COL19A1: variants seen among roughly 807,000 people sequenced by gnomAD.
COL19A1 encodes collagen type XIX alpha 1 chain.
In COL19A1, 159 loss-of-function variants were observed where a neutral mutation model predicts 190.2. The ratio of observed to expected loss-of-function variants is 0.84; its 90% CI spans 0.73 to 0.95. COL19A1 has a LOEUF of 0.95. Ranked by LOEUF, COL19A1 falls within the 40% of genes least tolerant of loss-of-function variation. The pLI is 0.00. For missense variants in COL19A1, 1,418 were observed against 1,431.9 expected (o/e 0.99, Z 0.16); for synonymous variants, 509 against 458.9 (o/e 1.11, Z -1.39).
intron 31 of COL19A1, among the ~76,000 whole-genome samples, chr6:70,155,803 A>G (rs908993387): frequency 3.9e-5 from 6 of 152,224 alleles, no homozygotes; most frequent in South Asian, 4.1e-4. Flanking sequence ...TCTGCTAAAC[A>G]ATTGAGCCTC....
Position 70,063,668 on chromosome 6 carries a change from C to A in COL19A1, c.1171-4755C>A, listed in dbSNP as rs139560121. ...GAAGGAGATAGAGACACAAAAAACCCTTCAAAAAATTAATGAATCCAGGAG... is the reference window on the plus strand; with the variant it reads ...GAAGGAGATAGAGACACAAAAAACCATTCAAAAAATTAATGAATCCAGGAG... On this transcript the variant is annotated intron_variant, in intron 14 of 50. Coordinates refer to ENST00000620364, the MANE Select transcript of COL19A1 (RefSeq NM_001858.6). 2.7e-3 allele frequency among the ~76,000 whole-genome samples: 405 copies of A among 152,148 alleles called. 8 individuals are homozygous for A. Among genetic ancestry groups the A allele is most frequent in the African/African-American group, 9.3e-3 (386 of 41,494 alleles).
At chr6:69,938,616 A>G (rs1231023087) in intron 9 of COL19A1, among the ~76,000 whole-genome samples, 1 of 152,118 alleles carries the variant, frequency 6.6e-6, no homozygotes, top group Non-Finnish European at 1.5e-5. Context: ...TTTTACATCT[A>G]GAAAGAGATC....
chr6:70,062,270 T>A (rs1780883589), intron 14 of COL19A1, among the ~76,000 whole-genome samples: 1 of 152,190 alleles, frequency 6.6e-6, no homozygotes, highest in Admixed American at 6.6e-5. Flanking sequence ...CAATAATTTA[T>A]ACTGAACTCT....
intron 47 of COL19A1, among the ~76,000 whole-genome samples, chr6:70,189,267 T>C (rs1257514032): frequency 1.3e-5 from 2 of 152,228 alleles, no homozygotes; most frequent in Non-Finnish European, 2.9e-5. Flanking sequence ...AGAGGAATTT[T>C]CAGTGAAGAG....
Position 70,141,904 on chromosome 6 carries a change from G to A in COL19A1, c.1494G>A (p.Gly498=), listed in dbSNP as rs1786276145. The part of the protein sequence containing the change: ...KGEKGDRGEP[G]VIGSQGVKGE... ...TATTTTATTTACAGGGAGAACCTGG[G>A]GTAATAGGATCACAGGGAGTAAAGG... is the stretch of plus-strand genomic sequence containing the variant. The change falls in exon 21 of 51, where the codon GGG becomes GGA. Residue 498 remains glycine, a synonymous_variant. Coordinates refer to ENST00000620364, the MANE Select transcript of COL19A1 (RefSeq NM_001858.6). 6.3e-7 allele frequency: 1 copy of A among 1,595,090 alleles called. No homozygotes were observed. The highest frequency in any genetic ancestry group is 8.6e-7 in the Non-Finnish European group (1 of 1,163,238).
intron 9 of COL19A1, among the ~76,000 whole-genome samples, chr6:69,951,779 T>C (rs2150035618): frequency 6.6e-6 from 1 of 152,030 alleles, no homozygotes. Context: ...ATTGTCACTA[T>C]TTCACAGATT....
Position 70,149,735 on chromosome 6 carries a change from T to G in COL19A1, c.1925T>G (p.Ile642Ser). The change falls in exon 28 of 51, where the codon ATT becomes AGT. Residue 642 changes from isoleucine (I) to serine (S), a missense_variant. By Grantham distance (142) the Ile-to-Ser change is moderately radical. Coordinates refer to ENST00000620364, the MANE Select transcript of COL19A1 (RefSeq NM_001858.6). ...GAQGPAGEPGIQGPRGLPGLP... is the reference protein window; with the variant it reads ...GAQGPAGEPGSQGPRGLPGLP... ...CAAGGACCAGCTGGAGAGCCAGGTA[T>G]TCAGGTAAGCTATTTAACTAATTTT... The G allele has an allele frequency of 6.2e-7, 1 of 1,613,650 alleles. No individual in the cohort carries two copies. Among genetic ancestry groups the G allele is most frequent in the South Asian group, 1.1e-5 (1 of 91,066 alleles).
chr6:69,944,073 C>CACTTTTGCTTGTTTCA (rs1773637011), intron 9 of COL19A1, among the ~76,000 whole-genome samples: 1 of 152,092 alleles, frequency 6.6e-6, no homozygotes. Flanking sequence ...TGCTCCAAGT[C>CACTTTTGCTTGTTTCA]CTTTGTACCA....
At chr6:69,995,793 G>A (rs900307336) in intron 11 of COL19A1, among the ~76,000 whole-genome samples, 2 of 152,132 alleles carry the variant, frequency 1.3e-5, no homozygotes, top group Non-Finnish European at 2.9e-5. Context: ...ACCTACATTT[G>A]TAGTTACTAA....
chr6:69,939,595 C>A (rs1773324488), intron 9 of COL19A1, among the ~76,000 whole-genome samples: 1 of 152,082 alleles, frequency 6.6e-6, no homozygotes, highest in Admixed American at 6.6e-5. Flanking sequence ...TATCTGTGTT[C>A]TTTGATCAGG....
At chr6:69,954,340 C>G (rs1483336095) in intron 9 of COL19A1, among the ~76,000 whole-genome samples, 1 of 151,928 alleles carries the variant, frequency 6.6e-6, no homozygotes, top group Non-Finnish European at 1.5e-5. Flanking sequence ...CAGCAACTGA[C>G]CCAGCGTATG....
At chr6:70,028,782 AT>A (rs1009469201) in intron 12 of COL19A1, among the ~76,000 whole-genome samples, 6 of 152,090 alleles carry the variant, frequency 3.9e-5, no homozygotes, top group African/African-American at 7.2e-5. Flanking sequence ...TACCTCATGG[AT>A]TTTTTTGTGA....
At chr6:70,062,375 A>T (rs1780890338) in intron 14 of COL19A1, among the ~76,000 whole-genome samples, 1 of 152,140 alleles carries the variant, frequency 6.6e-6, no homozygotes, top group Admixed American at 6.6e-5. Context: ...GAAATTAAGC[A>T]TGTATGACAT....
intron 15 of COL19A1, among the ~76,000 whole-genome samples, chr6:70,090,577 C>G (rs1049673219): frequency 6.6e-6 from 1 of 151,976 alleles, no homozygotes; most frequent in East Asian, 1.9e-4. Context: ...ATATAATCGA[C>G]TCTACACACC....
intron 4 of COL19A1, among the ~76,000 whole-genome samples, chr6:69,903,105 G>A (rs190768103): frequency 4.6e-5 from 7 of 152,254 alleles, no homozygotes; most frequent in African/African-American, 1.4e-4. Context: ...GCCCAGCATC[G>A]GTTCAGATTA....
At chr6:69,895,963 T>G (rs533000403) in intron 2 of COL19A1, among the ~76,000 whole-genome samples, 1 of 152,320 alleles carries the variant, frequency 6.6e-6, no homozygotes, top group South Asian at 2.1e-4. Context: ...TCTACACTTA[T>G]TTTTTGGTAC....
At chr6:69,941,122 G>GTT (rs1162434628) in intron 9 of COL19A1, among the ~76,000 whole-genome samples, 12 of 152,098 alleles carry the variant, frequency 7.9e-5, no homozygotes, top group Non-Finnish European at 1.5e-4. Flanking sequence ...TGTTCTAAAG[G>GTT]TTTTCTTTTT....
intron 11 of COL19A1, among the ~76,000 whole-genome samples, chr6:70,004,885 TGCAGTG>T (rs1777519613): frequency 6.6e-6 from 1 of 150,622 alleles, no homozygotes; most frequent in South Asian, 2.1e-4. Flanking sequence ...CAAGCTGGAG[TGCAGTG>T]GCTCGATCTC....
chr6:70,053,998 A>G (rs1056343379), intron 14 of COL19A1, among the ~76,000 whole-genome samples: 1 of 152,238 alleles, frequency 6.6e-6, no homozygotes, highest in African/African-American at 2.4e-5. Flanking sequence ...AATTTGTAAC[A>G]TCATTCTGCC....
Sources: gnomAD v4.1 joint callset for allele counts (sites outside exome capture counted in the v4.1 genomes callset) on GRCh38, gnomAD v4.1.1 for gene constraint, MANE v1.5 for transcripts, NCBI Gene and HGNC (gene_info 2026-07-23, HGNC 2026-07-21) for gene names.